The following IGDCC3 variants were observed in gnomAD, a reference collection of about 807,000 sequenced individuals.
IGDCC3 encodes putative neuronal cell adhesion molecule.
In IGDCC3, 47 loss-of-function variants were observed where a neutral mutation model predicts 72.0. That is an observed-to-expected ratio of 0.65 (90% CI 0.52 to 0.83). The LOEUF (loss-of-function observed/expected upper bound fraction) is 0.83, where lower values mean the gene tolerates loss of function less well. Ranked by LOEUF, IGDCC3 falls within the 40% of genes least tolerant of loss-of-function variation. The probability of loss-of-function intolerance (pLI) is 0.00; values close to 1 mark genes in which losing one functional copy is unlikely to be tolerated. For synonymous variants in IGDCC3, 477 were observed against 472.8 expected (o/e 1.01, Z -0.11); for missense variants, 1,038 against 1,091.3 (o/e 0.95, Z 0.69).
At chr15:65,354,018 G>C (rs949684084) in intron 2 of IGDCC3, among the ~76,000 whole-genome samples, 1 of 152,094 alleles carries the variant, frequency 6.6e-6, no homozygotes, top group Non-Finnish European at 1.5e-5. Context: ...TGATTCTCCT[G>C]TCTCAGCCTC....
chr15:65,355,190 C>T (rs561889400), intron 2 of IGDCC3, among the ~76,000 whole-genome samples: 53 of 152,268 alleles, frequency 3.5e-4, no homozygotes, highest in African/African-American at 1.3e-3. Flanking sequence ...CCCGCGGGGC[C>T]CCACTGCAGG....
intron 2 of IGDCC3, among the ~76,000 whole-genome samples, chr15:65,342,863 T>G (rs529417981): frequency 1.5e-3 from 221 of 151,126 alleles, no homozygotes; most frequent in African/African-American, 4.9e-3. Context: ...GTTTGTTTTT[T>G]TTTGTTTGTT....
Position 65,329,334 on chromosome 15 carries a change from G to C in IGDCC3, c.2205+56C>G. 6.6e-7 allele frequency: 1 copy of C among 1,525,964 alleles called. No homozygotes were observed. 94.5% of individuals were successfully genotyped at this position (1,525,964 alleles called of 1,614,324 possible). On this transcript the variant is annotated intron_variant, in intron 13 of 13. Transcript: ENST00000327987. This position sits in a 1 kb window ranked among gnomAD's most constrained non-coding sequence, Gnocchi z 4.1. Reference sequence around the variant, plus strand: ...GCCAAGGTGAAGGGGGGCAGGATTGGAAGGTGGCAGTGTCAGAGCCTGAGG... The same window carrying C: ...GCCAAGGTGAAGGGGGGCAGGATTGCAAGGTGGCAGTGTCAGAGCCTGAGG...
Position 65,328,071 on chromosome 15 carries a change from T to A in IGDCC3, c.*838A>T, listed in dbSNP as rs1045966887. 2 of 152,618 alleles carry A rather than the reference T, an allele frequency of 1.3e-5. No homozygotes were observed. The highest frequency in any genetic ancestry group is 4.8e-5 in the African/African-American group (2 of 41,420). The allele number at this position is 152,618 out of a possible 1,614,324, so 9.5% of individuals were successfully genotyped here. ...GCTTTCACATTTTTTCTCTGCCCAA[T>A]CCATTTCTATTTCTGTAGGCCACAA... On this transcript the variant is annotated 3_prime_UTR_variant, in exon 14 of 14. Coordinates refer to ENST00000327987, the MANE Select transcript of IGDCC3 (RefSeq NM_004884.4).
intron 2 of IGDCC3, among the ~76,000 whole-genome samples, chr15:65,363,662 G>A (rs922474997): frequency 6.1e-5 from 8 of 131,640 alleles, no homozygotes; most frequent in African/African-American, 1.6e-4. Flanking sequence ...CCCGCCACCC[G>A]CCTCCTGCCA....
chr15:65,368,281 T>A (rs935977779), intron 2 of IGDCC3, among the ~76,000 whole-genome samples: 2 of 103,120 alleles, frequency 1.9e-5, no homozygotes, highest in African/African-American at 7.7e-5. Context: ...CCTTTCTCCC[T>A]GGGGGTGGGG....
rs2090937893 is a variant in IGDCC3 at position 65,328,273 on chromosome 15, C to G, written c.*636G>C. The G allele has an allele frequency of 6.8e-6, 1 of 147,078 alleles. No individual in the cohort carries two copies. Among genetic ancestry groups the G allele is most frequent in the Non-Finnish European group, 1.5e-5 (1 of 66,722 alleles). 9.1% of individuals were successfully genotyped at this position (147,078 alleles called of 1,614,324 possible). ...TGGGGAAGTGCTTTTTTTTTTCTTT[C>G]ACACCTGGAAACGGGGAAGTGCTTT... On this transcript the variant is annotated 3_prime_UTR_variant, in exon 14 of 14. Transcript: ENST00000327987.
chr15:65,334,340 G>T (rs1411018370), intron 5 of IGDCC3, among the ~76,000 whole-genome samples: 2 of 152,124 alleles, frequency 1.3e-5, no homozygotes, highest in Non-Finnish European at 2.9e-5. Context: ...GATTTTTAGG[G>T]ACTTGGGACT....
intron 2 of IGDCC3, among the ~76,000 whole-genome samples, chr15:65,344,583 T>A (rs1294466929): frequency 1.3e-5 from 2 of 152,192 alleles, no homozygotes. Context: ...AGCATCTAGC[T>A]GTTGGTCCCC....
Position 65,377,589 on chromosome 15 carries a change from C to A in IGDCC3, c.103+97G>T. Reference sequence around the variant, plus strand: ...GCGGGGTCCGCCCTCAGGTCCGCGCCGCTCTCCCCGGGTCCGCCCCTCGCG... The same window carrying A: ...GCGGGGTCCGCCCTCAGGTCCGCGCAGCTCTCCCCGGGTCCGCCCCTCGCG... On this transcript the variant is annotated intron_variant, in intron 1 of 13. Coordinates refer to ENST00000327987, the MANE Select transcript of IGDCC3 (RefSeq NM_004884.4). This position sits in a 1 kb window ranked among gnomAD's most constrained non-coding sequence, Gnocchi z 4.9. 1.7e-6 allele frequency: 2 copies of A among 1,211,626 alleles called. No individual in the cohort carries two copies. The highest frequency in any genetic ancestry group is 5.0e-5 in the South Asian group (2 of 40,126). The allele number at this position is 1,211,626 out of a possible 1,614,324, so 75.1% of individuals were successfully genotyped here.
intron 2 of IGDCC3, among the ~76,000 whole-genome samples, chr15:65,351,489 G>C (rs1480325394): frequency 0.022 from 3,192 of 148,016 alleles, 114 homozygotes; most frequent in African/African-American, 0.076. Context: ...AGCCGAGATT[G>C]CACCACTGCA....
At position 65,377,590 on chromosome 15, in the gene IGDCC3, G is replaced by A. The variant is rs898616619; in HGVS notation, c.103+96C>T. ...CGGGGTCCGCCCTCAGGTCCGCGCCGCTCTCCCCGGGTCCGCCCCTCGCGC... is the reference window on the plus strand; with the variant it reads ...CGGGGTCCGCCCTCAGGTCCGCGCCACTCTCCCCGGGTCCGCCCCTCGCGC... On this transcript the variant is annotated intron_variant, in intron 1 of 13. Transcript: ENST00000327987. This position sits in a 1 kb window ranked among gnomAD's most constrained non-coding sequence, Gnocchi z 4.9. 16 of 1,208,404 alleles carry A rather than the reference G, an allele frequency of 1.3e-5. No individual in the cohort carries two copies. The highest frequency in any genetic ancestry group is 3.7e-5 in the Admixed American group (1 of 27,128). 74.9% of individuals were successfully genotyped at this position (1,208,404 alleles called of 1,614,324 possible).
At chr15:65,334,531 G>T (rs1595751081) in intron 5 of IGDCC3, 197 bp downstream of exon 5, 2 of 556,246 alleles carry the variant, frequency 3.6e-6, no homozygotes, top group Non-Finnish European at 6.2e-6. Flanking sequence ...ATGAGAATGG[G>T]GTGGGCAGGC....
In IGDCC3 at chr15:65,335,938, A is replaced by C; in HGVS notation, c.428T>G (p.Val143Gly). The part of the protein sequence containing the change: ...IQAATMSDFH[V>G]HPQATVGEEG... ...CTCACCCACGGTGGCCTGGGGATGC[A>C]CGTGGAAGTCCGACATGGCTGGGGG... The change falls in exon 3 of 14, where the codon GTG (valine) becomes GGG (glycine). Residue 143 changes from valine to glycine, a missense_variant. By Grantham distance (109) the Val-to-Gly change is moderately radical. Transcript: ENST00000327987. The C allele has an allele frequency of 6.2e-7, 1 of 1,614,172 alleles. No homozygotes were observed. Among genetic ancestry groups the C allele is most frequent in the Non-Finnish European group, 8.5e-7 (1 of 1,180,006 alleles).
rs2090928140 is a variant in IGDCC3, at chr15:65,327,430, A to G, written c.*1479T>C. ...TTCTATCTTCTTCAGCTAATTAACTAAAGTTCAGGGTGGAGGTGTCCCTAG... is the reference window on the plus strand; with the variant it reads ...TTCTATCTTCTTCAGCTAATTAACTGAAGTTCAGGGTGGAGGTGTCCCTAG... On this transcript the variant is annotated 3_prime_UTR_variant, in exon 14 of 14. Transcript: ENST00000327987. The G allele has an allele frequency of 1.3e-5, 2 of 152,100 alleles. No individual in the cohort carries two copies. The highest frequency in any genetic ancestry group is 4.1e-4 in the South Asian group (2 of 4,828). The allele number at this position is 152,100 out of a possible 1,614,324, so 9.4% of individuals were successfully genotyped here. A position where few individuals can be genotyped will look rare whatever the true frequency, so the allele number is the denominator to read the frequency against.
At position 65,328,792 on chromosome 15, in the gene IGDCC3, A is replaced by T; in HGVS notation, c.*117T>A. On this transcript the variant is annotated 3_prime_UTR_variant, in exon 14 of 14. Transcript: ENST00000327987. Reference sequence around the variant, plus strand: ...TTTGACAACCCAAGAGGCAGTCAGGATAGAAATGCTGGGGAGCCCCCAGGA... The same window carrying T: ...TTTGACAACCCAAGAGGCAGTCAGGTTAGAAATGCTGGGGAGCCCCCAGGA... The T allele has an allele frequency of 7.6e-7, 1 of 1,307,224 alleles. No homozygotes were observed. The highest frequency in any genetic ancestry group is 1.0e-6 in the Non-Finnish European group (1 of 987,812). The allele number at this position is 1,307,224 out of a possible 1,614,324, so 81.0% of individuals were successfully genotyped here. A position where few individuals can be genotyped will look rare whatever the true frequency, so the allele number is the denominator to read the frequency against.
chr15:65,341,173 G>A (rs1163466976), intron 2 of IGDCC3, among the ~76,000 whole-genome samples: 1 of 152,206 alleles, frequency 6.6e-6, no homozygotes. Flanking sequence ...TAATCTTAGG[G>A]AAATGCGAAT....
chr15:65,330,173 A>G (rs573640874), intron 11 of IGDCC3, 120 bp downstream of exon 11: 3 of 787,718 alleles, frequency 3.8e-6, no homozygotes, highest in African/African-American at 3.4e-5. Context: ...CAGCATGTGC[A>G]TGGCCAAGCT....
At chr15:65,346,021 C>T (rs1279766223) in intron 2 of IGDCC3, among the ~76,000 whole-genome samples, 1 of 152,188 alleles carries the variant, frequency 6.6e-6, no homozygotes, top group East Asian at 1.9e-4. Flanking sequence ...CAGAGAGGCA[C>T]ACAACATGCT....
Sources: gnomAD v4.1 joint callset for allele counts (sites outside exome capture counted in the v4.1 genomes callset) on GRCh38, gnomAD v4.1.1 for gene constraint, Gnocchi (gnomAD v3.1) non-coding constraint, MANE v1.5 for transcripts, NCBI Gene and HGNC (gene_info 2026-07-23, HGNC 2026-07-21) for gene names.